DOK5: variants seen among roughly 807,000 people sequenced by gnomAD.
The protein encoded by DOK5 is docking protein 5, also known as downstream of tyrosine kinase 5.
DOK5 carries 27 observed loss-of-function variants against 43.3 expected under a neutral mutation model. The observed-to-expected ratio is 0.62, with a 90% CI of 0.46 to 0.86. The LOEUF (loss-of-function observed/expected upper bound fraction) is 0.86. Among genes scored for constraint, DOK5 ranks in the 40% least tolerant of loss-of-function variants. The pLI is 0.00. For synonymous variants in DOK5, 146 were observed against 140.1 expected, an observed-to-expected ratio of 1.04 and a Z score of -0.30; for missense variants, 373 against 392.9, an observed-to-expected ratio of 0.95 and a Z score of 0.43.
At chr20:54,577,731 T>C (rs1246690748) in intron 2 of DOK5, among the ~76,000 whole-genome samples, 1 of 152,226 alleles carries the variant, frequency 6.6e-6, no homozygotes, top group Non-Finnish European at 1.5e-5. Context: ...GCTGTGAGTG[T>C]ACTGAATGCA....
Position 54,475,705 on chromosome 20 carries a change from C to A in DOK5, c.-242C>A. On this transcript the variant is annotated 5_prime_UTR_variant, in exon 1 of 8. Coordinates refer to ENST00000262593, the MANE Select transcript of DOK5 (RefSeq NM_018431.5). This position sits in a 1 kb window ranked among gnomAD's most constrained non-coding sequence, Gnocchi z 4.2. ...TCAGCTGACGCCGGCGCTCCAGCCT[C>A]GCCTCCCCGCGCCGCGCTCTGCGCT... 1.7e-6 allele frequency: 1 copy of A among 571,836 alleles called. No homozygotes were observed. Among genetic ancestry groups the A allele is most frequent in the Non-Finnish European group, 3.1e-6 (1 of 327,586 alleles). 35.4% of individuals were successfully genotyped at this position (571,836 alleles called of 1,614,324 possible).
chr20:54,546,153 G>C (rs1984336429), intron 1 of DOK5, among the ~76,000 whole-genome samples: 1 of 152,122 alleles, frequency 6.6e-6, no homozygotes, highest in Non-Finnish European at 1.5e-5. Context: ...AACAAAATTT[G>C]CTCATCTGTG....
chr20:54,543,634 G>T (rs1278448591), intron 1 of DOK5, among the ~76,000 whole-genome samples: 1 of 151,408 alleles, frequency 6.6e-6, no homozygotes, highest in Non-Finnish European at 1.5e-5. Context: ...GAAGGGAGAG[G>T]ATTACGTATA....
At chr20:54,583,683 G>A (rs1746358843) in intron 2 of DOK5, among the ~76,000 whole-genome samples, 1 of 151,904 alleles carries the variant, frequency 6.6e-6, no homozygotes, top group Non-Finnish European at 1.5e-5. Context: ...TATTTAATCT[G>A]ATATAAGTAT....
chr20:54,639,421 C>G (rs74319215), intron 6 of DOK5, among the ~76,000 whole-genome samples: 7 of 152,196 alleles, frequency 4.6e-5, no homozygotes. Flanking sequence ...AACTATCCCC[C>G]AAAGTAACAA....
intron 1 of DOK5, among the ~76,000 whole-genome samples, chr20:54,495,707 G>A (rs6098017): frequency 0.052 from 7,944 of 152,096 alleles, 731 homozygotes; most frequent in African/African-American, 0.18. Context: ...CCTGGCCAAC[G>A]TAGTGAAACC....
chr20:54,591,477 G>A lies in DOK5; in HGVS notation c.410-139G>A, dbSNP rs184804957. 6.8e-6 allele frequency: 4 copies of A among 588,074 alleles called. No individual in the cohort carries two copies. In the East Asian group the frequency reaches 8.8e-5, roughly 13 times the overall value. 36.4% of individuals were successfully genotyped at this position (588,074 alleles called of 1,614,324 possible). On this transcript the variant is annotated intron_variant, in intron 4 of 7. Coordinates refer to ENST00000262593, the MANE Select transcript of DOK5 (RefSeq NM_018431.5). The stretch of plus-strand genomic sequence containing the variant: ...TATTTTCTGGGACTGTTAATTAATA[G>A]GAAAGGTTTATCTTTCTGAATATGC...
intron 5 of DOK5, among the ~76,000 whole-genome samples, chr20:54,595,265 G>A (rs530093757): frequency 2.0e-5 from 3 of 152,186 alleles, no homozygotes; most frequent in Non-Finnish European, 2.9e-5. Context: ...GCGTGAACCC[G>A]GGAGGCGGAG....
intron 1 of DOK5, among the ~76,000 whole-genome samples, chr20:54,542,099 T>TACAC (rs59020714): frequency 0.044 from 5,386 of 121,962 alleles, 111 homozygotes; most frequent in Middle Eastern, 0.087. Flanking sequence ...TATTATAAGA[T>TACAC]ACACACACAC....
At chr20:54,628,252 CA>C (rs1232322754) in intron 6 of DOK5, among the ~76,000 whole-genome samples, 2 of 151,004 alleles carry the variant, frequency 1.3e-5, no homozygotes, top group Non-Finnish European at 1.5e-5. Context: ...ACTAAAAATA[CA>C]AAAAAATTAG....
At chr20:54,486,321 C>A (rs1165960298) in intron 1 of DOK5, among the ~76,000 whole-genome samples, 1 of 151,356 alleles carries the variant, frequency 6.6e-6, no homozygotes, top group African/African-American at 2.4e-5. Context: ...TATATATGTA[C>A]AGTGATATGT....
chr20:54,504,279 G>A (rs6098034), intron 1 of DOK5, among the ~76,000 whole-genome samples: 2,282 of 152,256 alleles, frequency 0.015, 47 homozygotes, highest in African/African-American at 0.052. Context: ...TGCAAGGAAA[G>A]CAATTCTTTG....
intron 5 of DOK5, among the ~76,000 whole-genome samples, chr20:54,593,493 A>G (rs1329067554): frequency 6.6e-6 from 1 of 152,180 alleles, no homozygotes; most frequent in African/African-American, 2.4e-5. Flanking sequence ...GTTGAGAGCA[A>G]TGTTCTTATT....
intron 5 of DOK5, among the ~76,000 whole-genome samples, chr20:54,593,295 C>A (rs1986038260): frequency 6.6e-6 from 1 of 151,848 alleles, no homozygotes; most frequent in Non-Finnish European, 1.5e-5. Context: ...ATAATCAAAG[C>A]CCAATTATTT....
At chr20:54,648,699 C>T (rs1429979847) in intron 7 of DOK5, among the ~76,000 whole-genome samples, 1 of 152,102 alleles carries the variant, frequency 6.6e-6, no homozygotes, top group Non-Finnish European at 1.5e-5. Flanking sequence ...CTTGCTTATT[C>T]TAAGTGTGAG....
intron 6 of DOK5, among the ~76,000 whole-genome samples, chr20:54,626,758 C>G (rs1987142884): frequency 6.6e-6 from 1 of 152,192 alleles, no homozygotes; most frequent in Non-Finnish European, 1.5e-5. Flanking sequence ...GATCACAACA[C>G]ACGACTAACC....
chr20:54,638,785 G>A (rs1371963383), intron 6 of DOK5, among the ~76,000 whole-genome samples: 4 of 128,650 alleles, frequency 3.1e-5, no homozygotes, highest in Admixed American at 1.8e-4. Flanking sequence ...ACTGAGTCTC[G>A]CTCTTTTGCC....
At chr20:54,493,862 C>G (rs1982289655) in intron 1 of DOK5, among the ~76,000 whole-genome samples, 1 of 152,032 alleles carries the variant, frequency 6.6e-6, no homozygotes. Context: ...TCATTTAGGC[C>G]CAGGAGTTGG....
chr20:54,578,552 T>C (rs1384822953), intron 2 of DOK5, among the ~76,000 whole-genome samples: 1 of 152,188 alleles, frequency 6.6e-6, no homozygotes, highest in African/African-American at 2.4e-5. Context: ...TGCTGTTGTT[T>C]TGGCAGAAAG....
Sources: gnomAD v4.1 joint callset for allele counts (sites outside exome capture counted in the v4.1 genomes callset) on GRCh38, gnomAD v4.1.1 for gene constraint, Gnocchi (gnomAD v3.1) non-coding constraint, MANE v1.5 for transcripts, NCBI Gene and HGNC (gene_info 2026-07-23, HGNC 2026-07-21) for gene names.